SIPA1L1: variants seen among roughly 807,000 people sequenced by gnomAD.
The protein encoded by SIPA1L1 is signal induced proliferation associated 1 like 1.
In SIPA1L1, 26 loss-of-function variants were observed where a neutral mutation model predicts 162.7. The observed-to-expected ratio is 0.16, with a 90% CI of 0.12 to 0.22. The LOEUF (loss-of-function observed/expected upper bound fraction) is 0.22. Among genes scored for constraint, SIPA1L1 ranks in the 10% least tolerant of loss-of-function variants. The probability of loss-of-function intolerance (pLI) is 1.00; values close to 1 mark genes in which losing one functional copy is unlikely to be tolerated. For missense variants in SIPA1L1, 1,874 were observed against 2,241.0 expected, an observed-to-expected ratio of 0.84 and a Z score of 3.31; for synonymous variants, 829 against 837.4, an observed-to-expected ratio of 0.99 and a Z score of 0.17.
intron 7 of SIPA1L1, among the ~76,000 whole-genome samples, chr14:71,638,457 G>A (rs2041383278): frequency 6.6e-6 from 1 of 152,098 alleles, no homozygotes; most frequent in African/African-American, 2.4e-5. Flanking sequence ...AATATCAATT[G>A]GTGCAGAAAA....
intron 7 of SIPA1L1, among the ~76,000 whole-genome samples, chr14:71,634,359 G>A (rs1596536941): frequency 1.4e-5 from 2 of 144,436 alleles, no homozygotes; most frequent in Non-Finnish European, 1.5e-5. Context: ...CCAAGATCAC[G>A]CCACTGCACT....
At chr14:71,548,280 C>T (rs1414600606) in intron 4 of SIPA1L1, among the ~76,000 whole-genome samples, 1 of 152,138 alleles carries the variant, frequency 6.6e-6, no homozygotes, top group Non-Finnish European at 1.5e-5. Context: ...GGTCAGAAGT[C>T]TTTAAACTCA....
At chr14:71,685,717 C>T (rs2149571166) in intron 13 of SIPA1L1, 86 bp downstream of exon 13, 3 of 1,494,344 alleles carry the variant, frequency 2.0e-6, no homozygotes, top group South Asian at 1.3e-5. Context: ...TTTAGGCCTT[C>T]TCATATTTTA....
chr14:71,429,753 A>T (rs565081927), intron 2 of SIPA1L1, among the ~76,000 whole-genome samples: 2 of 152,284 alleles, frequency 1.3e-5, no homozygotes, highest in African/African-American at 4.8e-5. Context: ...ATGGTACAGG[A>T]TAGGAACTGT....
chr14:71,473,916 T>G (rs751116231), intron 2 of SIPA1L1, among the ~76,000 whole-genome samples: 3 of 152,216 alleles, frequency 2.0e-5, no homozygotes, highest in Non-Finnish European at 4.4e-5. Flanking sequence ...AATATTTGAT[T>G]GAAACTGGGA....
chr14:71,713,084 G>A (rs545138658), intron 17 of SIPA1L1, among the ~76,000 whole-genome samples: 3 of 152,328 alleles, frequency 2.0e-5, no homozygotes, highest in African/African-American at 4.8e-5. Flanking sequence ...GCTGGGCACG[G>A]TGACATGGGC....
chr14:71,426,379 T>A (rs990089393), intron 2 of SIPA1L1, among the ~76,000 whole-genome samples: 6 of 149,076 alleles, frequency 4.0e-5, no homozygotes, highest in Non-Finnish European at 9.0e-5. Flanking sequence ...GTGAAACCTT[T>A]AAAATTTTTT....
intron 2 of SIPA1L1, among the ~76,000 whole-genome samples, chr14:71,408,913 C>G (rs1293594563): frequency 2.0e-5 from 3 of 152,142 alleles, no homozygotes; most frequent in Non-Finnish European, 1.5e-5. Context: ...TTTTAGCCCT[C>G]AAATCTCTGA....
chr14:71,382,896 G>T (rs2040019831), intron 2 of SIPA1L1, among the ~76,000 whole-genome samples: 1 of 152,056 alleles, frequency 6.6e-6, no homozygotes, highest in African/African-American at 2.4e-5. Context: ...ACACAGTGAT[G>T]GGTGCCCCAG....
At chr14:71,578,590 A>C (rs2033463386) in intron 4 of SIPA1L1, among the ~76,000 whole-genome samples, 1 of 152,242 alleles carries the variant, frequency 6.6e-6, no homozygotes, top group Non-Finnish European at 1.5e-5. Flanking sequence ...TTTGTATGTT[A>C]CATGTATTAT....
rs186978534 is a variant in SIPA1L1 at position 71,527,212 on chromosome 14, A to G, written c.-361-2100A>G. Reference sequence around the variant, plus strand: ...GCTCTGGTTGGGATGTGGTGGTGCAATTAGAGCTCACTGAAGCCTCGAACT... The same window carrying G: ...GCTCTGGTTGGGATGTGGTGGTGCAGTTAGAGCTCACTGAAGCCTCGAACT... On this transcript the variant is annotated intron_variant, in intron 3 of 23. Coordinates refer to ENST00000381232, the MANE Select transcript of SIPA1L1 (RefSeq NM_001386936.1). Among the ~76,000 whole-genome samples the G allele has an allele frequency of 5.3e-5, 8 of 152,186 alleles. No individual in the cohort carries two copies. The East Asian group carries it at 5.8e-4, about 11-fold the overall frequency.
At chr14:71,327,754 T>G (rs1163186207) in intron 2 of SIPA1L1, among the ~76,000 whole-genome samples, 1 of 152,192 alleles carries the variant, frequency 6.6e-6, no homozygotes, top group Non-Finnish European at 1.5e-5. Context: ...TTGATTTAAC[T>G]CCTCCCTTTT....
chr14:71,685,715 T>G, intron 13 of SIPA1L1, 84 bp downstream of exon 13: 1 of 1,496,202 alleles, frequency 6.7e-7, no homozygotes, highest in East Asian at 2.3e-5. Context: ...GTTTTAGGCC[T>G]TCTCATATTT....
intron 4 of SIPA1L1, among the ~76,000 whole-genome samples, chr14:71,546,043 A>G (rs943895366): frequency 1.3e-5 from 2 of 152,064 alleles, no homozygotes; most frequent in African/African-American, 4.8e-5. Context: ...GGATTGTCCC[A>G]CTGCACTCCA....
At chr14:71,608,101 A>G (rs749650956) in intron 5 of SIPA1L1, among the ~76,000 whole-genome samples, 2 of 152,218 alleles carry the variant, frequency 1.3e-5, no homozygotes, top group Non-Finnish European at 2.9e-5. Flanking sequence ...TGGTGAGCCC[A>G]TTAATGTGAG....
chr14:71,730,452 C>A, intron 20 of SIPA1L1, 151 bp downstream of exon 20: 2 of 882,328 alleles, frequency 2.3e-6, no homozygotes, highest in Non-Finnish European at 3.5e-6. Flanking sequence ...TGCCCTCTCT[C>A]TCCTGTAATC....
intron 2 of SIPA1L1, among the ~76,000 whole-genome samples, chr14:71,401,353 ACTTT>A (rs1458695171): frequency 6.9e-6 from 1 of 145,608 alleles, no homozygotes; most frequent in Non-Finnish European, 1.5e-5. Context: ...CCTCTTTTTT[ACTTT>A]CTTTATTCTT....
chr14:71,588,561 A>G lies in SIPA1L1; in HGVS notation c.689A>G (p.Lys230Arg). Residue 230 changes from lysine (K) to arginine (R), a missense_variant, in exon 5 of 24, where the codon AAA becomes AGA. By Grantham distance (26) the Lys-to-Arg change is conservative. This residue lies in a region of SIPA1L1 where 685 missense variants were observed against 828.0 expected (regional missense o/e 0.83). Transcript: ENST00000381232. This position sits in a 1 kb window ranked among gnomAD's most constrained non-coding sequence, Gnocchi z 4.3. Reference protein sequence around the residue: ...ESFFDLLKGYKDDKSDRGPTP... With the variant: ...ESFFDLLKGYRDDKSDRGPTP... ...TTTTTTGATTTGTTAAAGGGCTACAAAGATGACAAATCTGATCGAGGTCCA... is the reference window on the plus strand; with the variant it reads ...TTTTTTGATTTGTTAAAGGGCTACAGAGATGACAAATCTGATCGAGGTCCA... 2 of 1,614,108 alleles carry G rather than the reference A, an allele frequency of 1.2e-6. No individual in the cohort carries two copies. Among genetic ancestry groups the G allele is most frequent in the Non-Finnish European group, 1.7e-6 (2 of 1,179,982 alleles).
chr14:71,500,946 C>T (rs1163540518), intron 2 of SIPA1L1, among the ~76,000 whole-genome samples: 1 of 152,168 alleles, frequency 6.6e-6, no homozygotes, highest in Non-Finnish European at 1.5e-5. Context: ...GCAGAGGTTG[C>T]GGTGACCCGA....
Sources: gnomAD v4.1 joint callset for allele counts (sites outside exome capture counted in the v4.1 genomes callset) on GRCh38, gnomAD v4.1.1 for gene constraint, gnomAD v4.1.1 regional missense constraint, Gnocchi (gnomAD v3.1) non-coding constraint, MANE v1.5 for transcripts, NCBI Gene and HGNC (gene_info 2026-07-23, HGNC 2026-07-21) for gene names.